Variants in EPHA5 observed in about 807,000 individuals in gnomAD.
EPHA5 encodes the protein EPH receptor A5.
In EPHA5, 60 loss-of-function variants were observed where a neutral mutation model predicts 105.0. The observed-to-expected ratio is 0.57, with a 90% CI of 0.46 to 0.71. The LOEUF (loss-of-function observed/expected upper bound fraction) is 0.71. EPHA5 is among the 30% of genes least tolerant of loss of function. The pLI is 0.00. For missense variants in EPHA5, 1,218 were observed against 1,274.7 expected (o/e 0.96, Z 0.68); for synonymous variants, 513 against 449.1 (o/e 1.14, Z -1.80).
At chr4:65,357,165 C>G (rs1723378498) in intron 11 of EPHA5, among the ~76,000 whole-genome samples, 1 of 151,348 alleles carries the variant, frequency 6.6e-6, no homozygotes, top group South Asian at 2.1e-4. Context: ...AGCATCTACT[C>G]TTTATAAGGC....
chr4:65,532,514 A>G (rs1018919159), intron 3 of EPHA5, among the ~76,000 whole-genome samples: 7 of 151,542 alleles, frequency 4.6e-5, no homozygotes, highest in Non-Finnish European at 7.4e-5. Flanking sequence ...TATGTTTTCC[A>G]TTAGCTTCAT....
chr4:65,468,043 G>T (rs1728884459), intron 5 of EPHA5, among the ~76,000 whole-genome samples: 1 of 152,150 alleles, frequency 6.6e-6, no homozygotes, highest in Admixed American at 6.5e-5. Context: ...TTTAGTCAGA[G>T]AAGATACTAC....
At chr4:65,608,052 G>C (rs2149451835) in intron 2 of EPHA5, among the ~76,000 whole-genome samples, 1 of 152,234 alleles carries the variant, frequency 6.6e-6, no homozygotes, top group East Asian at 1.9e-4. Flanking sequence ...TGAAGCCAGG[G>C]AGTGGGCGGC....
chr4:65,397,621 T>C (rs1231802457), intron 8 of EPHA5, among the ~76,000 whole-genome samples: 1 of 148,678 alleles, frequency 6.7e-6, no homozygotes, highest in Non-Finnish European at 1.5e-5. Context: ...TTTTTTTTTT[T>C]CCTTTTAGCT....
chr4:65,464,743 T>G (rs1213967031), intron 5 of EPHA5, among the ~76,000 whole-genome samples: 1 of 152,148 alleles, frequency 6.6e-6, no homozygotes, highest in Non-Finnish European at 1.5e-5. Flanking sequence ...ATAATTAGTA[T>G]TAGTATTTAG....
intron 8 of EPHA5, among the ~76,000 whole-genome samples, chr4:65,369,352 T>C (rs1392273619): frequency 2.0e-5 from 3 of 152,304 alleles, no homozygotes; most frequent in South Asian, 2.1e-4. Context: ...GTGATTTTAC[T>C]ATTCATAAGC....
chr4:65,390,065 T>A (rs1446710860), intron 8 of EPHA5, among the ~76,000 whole-genome samples: 1 of 152,058 alleles, frequency 6.6e-6, no homozygotes. Context: ...CTCTATTTTT[T>A]ATATATTTTC....
intron 5 of EPHA5, among the ~76,000 whole-genome samples, chr4:65,474,847 A>T (rs1729639611): frequency 6.6e-6 from 1 of 152,230 alleles, no homozygotes; most frequent in African/African-American, 2.4e-5. Flanking sequence ...ATATCATTTA[A>T]CAATAGGTCT....
chr4:65,583,945 A>G (rs927845946), intron 3 of EPHA5, among the ~76,000 whole-genome samples: 1 of 151,676 alleles, frequency 6.6e-6, no homozygotes, highest in African/African-American at 2.4e-5. Context: ...ATATGTTTAC[A>G]CACTATATAT....
intron 5 of EPHA5, among the ~76,000 whole-genome samples, chr4:65,465,859 C>T (rs1728668540): frequency 6.6e-6 from 1 of 152,208 alleles, no homozygotes; most frequent in Non-Finnish European, 1.5e-5. Flanking sequence ...GTCATACATT[C>T]ACTCGTTCAC....
chr4:65,497,905 TGA>T (rs937807132), intron 3 of EPHA5, among the ~76,000 whole-genome samples: 13 of 151,922 alleles, frequency 8.6e-5, no homozygotes, highest in African/African-American at 3.1e-4. Context: ...GAGGTAAATG[TGA>T]TAGACACAGC....
intron 2 of EPHA5, among the ~76,000 whole-genome samples, chr4:65,628,184 T>C (rs1285854552): frequency 1.3e-5 from 2 of 152,106 alleles, no homozygotes; most frequent in Non-Finnish European, 2.9e-5. Context: ...TAAAATCCTG[T>C]AGTTTATTAT....
intron 5 of EPHA5, among the ~76,000 whole-genome samples, chr4:65,483,259 A>T (rs1235778518): frequency 6.6e-6 from 1 of 152,116 alleles, no homozygotes; most frequent in Non-Finnish European, 1.5e-5. Flanking sequence ...CCAGTCTATC[A>T]TTGTTGGACA....
intron 8 of EPHA5, among the ~76,000 whole-genome samples, chr4:65,401,763 C>A (rs1017870707): frequency 1.3e-5 from 2 of 151,928 alleles, no homozygotes; most frequent in Non-Finnish European, 2.9e-5. Flanking sequence ...ATTTTTTTAC[C>A]AAGCTTTGGA....
chr4:65,409,179 A>G (rs1242527942), intron 7 of EPHA5, among the ~76,000 whole-genome samples: 6 of 93,436 alleles, frequency 6.4e-5, no homozygotes, highest in African/African-American at 1.7e-4. Flanking sequence ...ATCACACTCT[A>G]GGGACTGTTG....
At chr4:65,656,939 G>A (rs1749125164) in intron 1 of EPHA5, among the ~76,000 whole-genome samples, 1 of 126,790 alleles carries the variant, frequency 7.9e-6, no homozygotes, top group Admixed American at 9.0e-5. Context: ...TAGAGTAAAT[G>A]AAAACGTGTG....
chr4:65,579,358 G>GTATATATATA (rs71657189), intron 3 of EPHA5, among the ~76,000 whole-genome samples: 17 of 142,786 alleles, frequency 1.2e-4, no homozygotes, highest in East Asian at 2.0e-4. Context: ...ATGTATGTGT[G>GTATATATATA]TATATATATA....
chr4:65,570,522 T>C (rs372439128), intron 3 of EPHA5, among the ~76,000 whole-genome samples: 23 of 151,876 alleles, frequency 1.5e-4, no homozygotes, highest in African/African-American at 5.3e-4. Context: ...GGCCTTGAAA[T>C]TGATTTAATA....
chr4:65,332,057 T>G lies in EPHA5; in HGVS notation c.2861A>C (p.Glu954Ala). Reference protein sequence around the residue: ...GAYRSVGEWLEAIKMGRYTEI... With the variant: ...GAYRSVGEWLAAIKMGRYTEI... ...TGTATACCGGCCCATCTTGATTGCC[T>G]CTAGCCATTCACCTACTGATCTGTA... The change falls in exon 16 of 17, where the codon GAG becomes GCG. Residue 954 changes from glutamate to alanine, a missense_variant. By Grantham distance (107) the Glu-to-Ala change is moderately radical (BLOSUM62 -1). Coordinates refer to ENST00000613740, the MANE Select transcript of EPHA5 (RefSeq NM_001281766.3). 1 of 1,611,854 alleles carries G rather than the reference T, an allele frequency of 6.2e-7. No individual in the cohort carries two copies. Among genetic ancestry groups the G allele is most frequent in the South Asian group, 1.1e-5 (1 of 91,000 alleles).
Sources: allele counts gnomAD v4.1 joint callset (sites outside exome capture counted in the v4.1 genomes callset), GRCh38; gene constraint gnomAD v4.1.1; transcripts MANE v1.5; gene names NCBI Gene and HGNC (gene_info 2026-07-23, HGNC 2026-07-21).